Variants in SLC19A3 observed in about 807,000 individuals in gnomAD.
SLC19A3 encodes solute carrier family 19 member 3.
In SLC19A3, 31 loss-of-function variants were observed where a neutral mutation model predicts 40.2. The observed-to-expected ratio is 0.77, with a 90% CI of 0.58 to 1.04. SLC19A3 has a LOEUF of 1.04. Among genes scored for constraint, SLC19A3 ranks in the 50% least tolerant of loss-of-function variants. SLC19A3 has a pLI of 0.00. For synonymous variants in SLC19A3, 212 were observed against 227.5 expected (o/e 0.93, Z 0.61); for missense variants, 592 against 596.7 (o/e 0.99, Z 0.08).
At chr2:227,709,412 G>C (rs1338683596) in intron 1 of SLC19A3, among the ~76,000 whole-genome samples, 1 of 152,156 alleles carries the variant, frequency 6.6e-6, no homozygotes, top group Non-Finnish European at 1.5e-5. Flanking sequence ...TTGTACCTGG[G>C]AAGTGGAGGT....
chr2:227,715,480 C>T (rs944000216), intron 1 of SLC19A3, among the ~76,000 whole-genome samples: 4 of 152,126 alleles, frequency 2.6e-5, no homozygotes, highest in African/African-American at 9.7e-5. Flanking sequence ...CCTGCCTTGG[C>T]CTCCCAAAGT....
chr2:227,714,594 C>A, intron 1 of SLC19A3: 8 of 984,012 alleles, frequency 8.1e-6, no homozygotes, highest in Non-Finnish European at 9.6e-6. Flanking sequence ...CTCCTTCAGA[C>A]AGAGCTGCCA....
At chr2:227,711,323 G>C (rs1446678526) in intron 1 of SLC19A3, among the ~76,000 whole-genome samples, 1 of 151,916 alleles carries the variant, frequency 6.6e-6, no homozygotes, top group Non-Finnish European at 1.5e-5. Flanking sequence ...GGGAGGCTGA[G>C]GCACAAGAAT....
Position 227,686,873 on chromosome 2 carries a change from A to G in SLC19A3, c.*524T>C, listed in dbSNP as rs1176185016. On this transcript the variant is annotated 3_prime_UTR_variant, in exon 6 of 6. Transcript: ENST00000644224. ...AAGAGAAGCCCTTAGAAATGGGACA[A>G]ACATTGTAATTCTCTTAGAGAACTG... is the stretch of plus-strand genomic sequence containing the variant. The G allele has an allele frequency of 6.6e-6, 1 of 152,446 alleles. No individual in the cohort carries two copies. Among genetic ancestry groups the G allele is most frequent in the Non-Finnish European group, 1.5e-5 (1 of 68,204 alleles). 9.4% of individuals were successfully genotyped at this position (152,446 alleles called of 1,614,324 possible).
rs563184118 is a variant in SLC19A3, at chr2:227,703,437, C to T, written c.-2-1117G>A. On this transcript the variant is annotated intron_variant, in intron 1 of 5. Coordinates refer to ENST00000644224, the MANE Select transcript of SLC19A3 (RefSeq NM_025243.4). This position sits in a 1 kb window ranked among gnomAD's most constrained non-coding sequence, Gnocchi z 4.7. ...GGTGACCCCGACAGCTGCATAATTCCTCTCTTAAGTTCAATAGGGTAAACA... is the reference window on the plus strand; with the variant it reads ...GGTGACCCCGACAGCTGCATAATTCTTCTCTTAAGTTCAATAGGGTAAACA... 7.6e-4 allele frequency among the ~76,000 whole-genome samples: 115 copies of T among 152,232 alleles called. No homozygotes were observed. The highest frequency in any genetic ancestry group is 2.5e-3 in the African/African-American group (105 of 41,556).
chr2:227,701,326 A>G, intron 2 of SLC19A3: 1 of 211,458 alleles, frequency 4.7e-6, no homozygotes, highest in Non-Finnish European at 9.7e-6. Context: ...TGTACTTCTT[A>G]TAAAGAAATG....
chr2:227,698,166 A>C (rs1212593275), intron 3 of SLC19A3, among the ~76,000 whole-genome samples: 1 of 151,898 alleles, frequency 6.6e-6, no homozygotes, highest in African/African-American at 2.4e-5. Flanking sequence ...TTTTATTTTT[A>C]TTTTTATTTT....
chr2:227,696,218 C>T (rs1486299113), intron 3 of SLC19A3, 137 bp from the exon 4 acceptor site: 1 of 796,758 alleles, frequency 1.3e-6, no homozygotes, highest in Non-Finnish European at 2.1e-6. Context: ...TGTGATCGAC[C>T]TGAATGTGGA....
chr2:227,712,885 G>A (rs576606159), intron 1 of SLC19A3, among the ~76,000 whole-genome samples: 4 of 152,230 alleles, frequency 2.6e-5, no homozygotes, highest in African/African-American at 7.2e-5. Context: ...GATGGAAATC[G>A]GATTGGTGGT....
intron 1 of SLC19A3, chr2:227,714,732 C>CCAG (rs1696272088): frequency 3.7e-6 from 1 of 271,390 alleles, no homozygotes; most frequent in Non-Finnish European, 5.6e-6. Flanking sequence ...AAGCAGACAC[C>CCAG]CAGATCCAGA....
rs888081304 is a variant in SLC19A3 at position 227,684,422 on chromosome 2, T to C, written c.*2975A>G. ...GCCTCCTGGGTTTAAGTGACTCTTA[T>C]GCTTCAGCCACCGAGTGGCTGGGAT... On this transcript the variant is annotated 3_prime_UTR_variant, in exon 6 of 6. Transcript: ENST00000644224. 2.0e-5 allele frequency: 3 copies of C among 152,234 alleles called. No individual in the cohort carries two copies. Among genetic ancestry groups the C allele is most frequent in the African/African-American group, 4.8e-5 (2 of 41,448 alleles). 9.4% of individuals were successfully genotyped at this position (152,234 alleles called of 1,614,324 possible).
chr2:227,695,853 T>C (rs1489604081), intron 4 of SLC19A3, 36 bp downstream of exon 4: 1 of 1,591,196 alleles, frequency 6.3e-7, no homozygotes. Flanking sequence ...GAGAGAGGAA[T>C]ACAGTTCAGT....
At chr2:227,700,617 C>T (rs1695649318) in intron 2 of SLC19A3, among the ~76,000 whole-genome samples, 2 of 152,310 alleles carry the variant, frequency 1.3e-5, no homozygotes, top group South Asian at 2.1e-4. Flanking sequence ...GCCCTTCCAA[C>T]ATCTGGAAAG....
At position 227,698,324 on chromosome 2, in the gene SLC19A3, C is replaced by T. The variant is rs970227132; in HGVS notation, c.979+412G>A. 3.3e-5 allele frequency among the ~76,000 whole-genome samples: 5 copies of T among 151,734 alleles called. No homozygotes were observed. In the South Asian group the frequency reaches 1.0e-3, roughly 32 times the overall value. On this transcript the variant is annotated intron_variant, in intron 3 of 5. Transcript: ENST00000644224. ...TACAGGCATCCGCCACCATGACCGG[C>T]TAATTTCTTTGTATTTTTAGTAGAG...
rs570561356 is a variant in SLC19A3, at chr2:227,693,492, C to T, written c.1172+2397G>A. On this transcript the variant is annotated intron_variant, in intron 4 of 5. Coordinates refer to ENST00000644224, the MANE Select transcript of SLC19A3 (RefSeq NM_025243.4). ...CCAGGAACATACATTGGGGAAAAGA[C>T]AGTCTCTTCAACAAATGGTGCTGGG... is the stretch of plus-strand genomic sequence containing the variant. Among the ~76,000 whole-genome samples, 7 of 152,298 alleles carry T rather than the reference C, an allele frequency of 4.6e-5. No individual in the cohort carries two copies. The East Asian group carries it at 7.7e-4, about 17-fold the overall frequency.
At chr2:227,712,051 A>AAC (rs71039631) in intron 1 of SLC19A3, among the ~76,000 whole-genome samples, 1,656 of 16,236 alleles carry the variant, frequency 0.1, 122 homozygotes, top group African/African-American at 0.18. Flanking sequence ...CTCTGTCTCC[A>AAC]AAAAAAAAAA....
rs72170094 is a variant in SLC19A3, at chr2:227,706,047, GAA to G, written c.-2-3729_-2-3728del. ...TGGGCGACAGAGTGAGATCCTGTCT[GAA>G]AAAAAAAAATGCAGAAGAAAAAATG... On this transcript the variant is annotated intron_variant, in intron 1 of 5. Transcript: ENST00000644224. 5.2e-3 allele frequency among the ~76,000 whole-genome samples: 763 copies of G among 146,308 alleles called. 7 individuals are homozygous for G. The highest frequency in any genetic ancestry group is 0.018 in the African/African-American group (725 of 40,040).
At chr2:227,702,600 C>T in intron 1 of SLC19A3, 1 of 393,068 alleles carries the variant, frequency 2.5e-6, no homozygotes, top group Non-Finnish European at 4.8e-6. Context: ...ACCATGTTGG[C>T]CAGGCTGGTC....
chr2:227,697,469 C>T (rs1400279694), intron 3 of SLC19A3, among the ~76,000 whole-genome samples: 1 of 152,194 alleles, frequency 6.6e-6, no homozygotes, highest in African/African-American at 2.4e-5. Flanking sequence ...CTGACTTTCA[C>T]ATCTCTTCCA....
Sources: gnomAD v4.1 joint callset for allele counts (sites outside exome capture counted in the v4.1 genomes callset) on GRCh38, gnomAD v4.1.1 for gene constraint, Gnocchi (gnomAD v3.1) non-coding constraint, MANE v1.5 for transcripts, NCBI Gene and HGNC (gene_info 2026-07-23, HGNC 2026-07-21) for gene names.